B3GALNT2: variants seen among roughly 807,000 people sequenced by gnomAD.
B3GALNT2 encodes the protein UDP-GalNAc:beta-1,3-N-acetylgalactosaminyltransferase 2.
B3GALNT2 carries 53 observed loss-of-function variants against 61.1 expected under a neutral mutation model. The ratio of observed to expected loss-of-function variants is 0.87; its 90% CI spans 0.70 to 1.09. The LOEUF is 1.09. B3GALNT2 is among the 50% of genes least tolerant of loss of function. B3GALNT2 has a pLI of 0.00. For synonymous variants in B3GALNT2, 223 were observed against 237.4 expected, an observed-to-expected ratio of 0.94 and a Z score of 0.56; for missense variants, 544 against 623.0, an observed-to-expected ratio of 0.87 and a Z score of 1.35.
intron 5 of B3GALNT2, among the ~76,000 whole-genome samples, chr1:235,478,594 T>A (rs1684408283): frequency 6.6e-6 from 1 of 152,180 alleles, no homozygotes; most frequent in South Asian, 2.1e-4. Context: ...GTTATACACA[T>A]AAAACAGAGG....
At chr1:235,489,062 T>G (rs1400348450) in intron 3 of B3GALNT2, 106 bp downstream of exon 3, 1 of 1,362,450 alleles carries the variant, frequency 7.3e-7, no homozygotes, top group Non-Finnish European at 9.6e-7. Flanking sequence ...AAACACATAA[T>G]AAAATAAAAT....
At chr1:235,491,894 C>A (rs1314599133) in intron 2 of B3GALNT2, among the ~76,000 whole-genome samples, 1 of 152,178 alleles carries the variant, frequency 6.6e-6, no homozygotes, top group Non-Finnish European at 1.5e-5. Flanking sequence ...AACCCTTCCC[C>A]CACCACCACA....
chr1:235,476,830 A>T (rs1222775591), intron 5 of B3GALNT2, among the ~76,000 whole-genome samples: 1 of 151,648 alleles, frequency 6.6e-6, no homozygotes, highest in Non-Finnish European at 1.5e-5. Context: ...AGCCTGGGTG[A>T]CAGAGCAAAA....
intron 6 of B3GALNT2, among the ~76,000 whole-genome samples, chr1:235,470,448 T>G (rs1281933995): frequency 6.6e-6 from 1 of 151,470 alleles, no homozygotes; most frequent in Non-Finnish European, 1.5e-5. Flanking sequence ...AAAAGTTAGC[T>G]GGGTGTAGTG....
chr1:235,502,006 T>TTTAA (rs1305935631), intron 1 of B3GALNT2, among the ~76,000 whole-genome samples: 7 of 152,298 alleles, frequency 4.6e-5, no homozygotes, highest in African/African-American at 1.2e-4. Context: ...GTCAGTCTTG[T>TTTAA]TTAATTAATT....
chr1:235,441,412 A>G, the B3GALNT2 span: 1 of 272,996 alleles, frequency 3.7e-6, no homozygotes, highest in Admixed American at 5.1e-5. Context: ...CAGCGCAGAA[A>G]GAGAACTGTT....
At chr1:235,500,404 C>A (rs1685532851) in intron 1 of B3GALNT2, among the ~76,000 whole-genome samples, 1 of 152,140 alleles carries the variant, frequency 6.6e-6, no homozygotes, top group African/African-American at 2.4e-5. Context: ...TGGCTTCAAC[C>A]CGGAGGCAGA....
At chr1:235,455,147 G>C (rs1683102710) in intron 9 of B3GALNT2, among the ~76,000 whole-genome samples, 1 of 151,860 alleles carries the variant, frequency 6.6e-6, no homozygotes, top group African/African-American at 2.4e-5. Flanking sequence ...ATTAAGACAG[G>C]GTCTCCCTCT....
chr1:235,440,184 A>C, the B3GALNT2 span, among the ~76,000 whole-genome samples: 1 of 151,828 alleles, frequency 6.6e-6, no homozygotes, highest in Admixed American at 6.6e-5. Context: ...GTTAGCCAGG[A>C]TGGTCTCGAT....
chr1:235,445,782 C>T (rs1309000263), downstream of B3GALNT2, among the ~76,000 whole-genome samples: 1 of 152,132 alleles, frequency 6.6e-6, no homozygotes, highest in Non-Finnish European at 1.5e-5. Flanking sequence ...TAAAAATACA[C>T]ATATGCTCTG....
At chr1:235,470,575 CAAA>C (rs35802636) in intron 6 of B3GALNT2, among the ~76,000 whole-genome samples, 8 of 118,396 alleles carry the variant, frequency 6.8e-5, no homozygotes, top group Admixed American at 2.7e-4. Flanking sequence ...GAGACCCTCT[CAAA>C]AAAAAAAAAA....
In B3GALNT2 at chr1:235,448,283, C is replaced by A; in HGVS notation, c.*1923G>T. ...TTGCAATGATACTGTGGTCTCATCA[C>A]ATGAGCTAGTTTTACAGGTAACTGT... is the stretch of plus-strand genomic sequence containing the variant. On this transcript the variant is annotated 3_prime_UTR_variant, in exon 12 of 12. Transcript: ENST00000366600. The A allele has an allele frequency of 8.4e-7, 1 of 1,191,832 alleles. No homozygotes were observed. Among genetic ancestry groups the A allele is most frequent in the Non-Finnish European group, 1.2e-6 (1 of 804,860 alleles). 73.8% of individuals were successfully genotyped at this position (1,191,832 alleles called of 1,614,324 possible).
intron 1 of B3GALNT2, among the ~76,000 whole-genome samples, chr1:235,502,422 C>T (rs1250919769): frequency 1.3e-5 from 2 of 152,016 alleles, no homozygotes; most frequent in Non-Finnish European, 1.5e-5. Flanking sequence ...ACACGTATCC[C>T]GGAACTTAAA....
intron 4 of B3GALNT2, among the ~76,000 whole-genome samples, chr1:235,481,828 A>C (rs1227942677): frequency 6.6e-6 from 1 of 152,188 alleles, no homozygotes; most frequent in East Asian, 1.9e-4. Context: ...TTGAGTATAC[A>C]AAGCTCTTCT....
At position 235,458,668 on chromosome 1, in the gene B3GALNT2, A is replaced by C. The variant is rs1159424139; in HGVS notation, c.960T>G (p.Ile320Met). 1 of 1,613,186 alleles carries C rather than the reference A, an allele frequency of 6.2e-7. No homozygotes were observed. ...AAGTGTCGACAACATCCACAAAAAC[A>C]ATATCATCATAGATGCTGCTTTCCT... Reference protein sequence around the residue: ...LKEESSIYDDIVFVDVVDTYR... With the variant: ...LKEESSIYDDMVFVDVVDTYR... The change falls in exon 8 of 12, where the codon ATT becomes ATG. Residue 320 changes from isoleucine to methionine, a missense_variant. Transcript: ENST00000366600.
intron 5 of B3GALNT2, chr1:235,479,142 C>T (rs1313250229): frequency 6.6e-6 from 1 of 152,116 alleles, no homozygotes; most frequent in African/African-American, 2.4e-5. Context: ...TAGTATGTTA[C>T]AAAAATGTGT....
rs984780469 is a variant in B3GALNT2 at position 235,449,887 on chromosome 1, A to G, written c.*319T>C. On this transcript the variant is annotated 3_prime_UTR_variant, in exon 12 of 12. Coordinates refer to ENST00000366600, the MANE Select transcript of B3GALNT2 (RefSeq NM_152490.5). ...CTAGGCCAAGTTTTAACCAAAAACTATAGGTAATGGTGAATTACTAATTAG... is the reference window on the plus strand; with the variant it reads ...CTAGGCCAAGTTTTAACCAAAAACTGTAGGTAATGGTGAATTACTAATTAG... 6.1e-5 allele frequency: 13 copies of G among 212,700 alleles called. No homozygotes were observed. The highest frequency in any genetic ancestry group is 2.2e-4 in the East Asian group (2 of 8,902). The allele number at this position is 212,700 out of a possible 1,614,324, so 13.2% of individuals were successfully genotyped here.
At chr1:235,489,766 T>C (rs1311067804) in intron 2 of B3GALNT2, among the ~76,000 whole-genome samples, 1 of 152,210 alleles carries the variant, frequency 6.6e-6, no homozygotes, top group East Asian at 1.9e-4. Context: ...GATAAAGTCC[T>C]GACTCTAATT....
At chr1:235,466,673 T>C (rs931349306) in intron 6 of B3GALNT2, among the ~76,000 whole-genome samples, 20 of 152,168 alleles carry the variant, frequency 1.3e-4, no homozygotes, top group African/African-American at 4.8e-4. Context: ...TTGTTGAAGG[T>C]GCTTAAGCCT....
Sources: gnomAD v4.1 joint callset for allele counts (sites outside exome capture counted in the v4.1 genomes callset) on GRCh38, gnomAD v4.1.1 for gene constraint, MANE v1.5 for transcripts, NCBI Gene and HGNC (gene_info 2026-07-23, HGNC 2026-07-21) for gene names.